RIN2: variants seen among roughly 807,000 people sequenced by gnomAD.
RIN2 encodes Ras and Rab interactor 2.
In RIN2, 36 loss-of-function variants were observed where a neutral mutation model predicts 78.0. That is an observed-to-expected ratio of 0.46 (90% CI 0.35 to 0.61). RIN2 has a LOEUF of 0.61. Among genes scored for constraint, RIN2 ranks in the 20% least tolerant of loss-of-function variants. RIN2 has a pLI of 0.00. For synonymous variants in RIN2, 466 were observed against 466.8 expected, an observed-to-expected ratio of 1.00 and a Z score of 0.02; for missense variants, 1,087 against 1,159.7, an observed-to-expected ratio of 0.94 and a Z score of 0.91.
chr20:19,920,988 G>GTTGTTTGT (rs34625955), intron 3 of RIN2, among the ~76,000 whole-genome samples: 3 of 151,492 alleles, frequency 2.0e-5, no homozygotes, highest in African/African-American at 7.3e-5. Context: ...AGTTTTTTGG[G>GTTGTTTGT]TTGTTTGTTT....
intron 2 of RIN2, among the ~76,000 whole-genome samples, chr20:19,884,982 C>T (rs2123459581): frequency 6.6e-6 from 1 of 152,206 alleles, no homozygotes; most frequent in East Asian, 1.9e-4. Context: ...ATAACGAGGT[C>T]TTGTTTACTG....
chr20:19,967,292 G>C (rs1379827773), intron 7 of RIN2, among the ~76,000 whole-genome samples: 2 of 152,178 alleles, frequency 1.3e-5, no homozygotes, highest in Admixed American at 1.3e-4. Flanking sequence ...TTGCAGGTAG[G>C]AAGGCCAAGA....
chr20:19,890,295 G>A lies in RIN2; in HGVS notation c.57+637G>A, dbSNP rs12481523. ...TGGGTGTTTTATGTACTCTGTGTGT[G>A]TGTATTTAATGAAGACTTGGTGGTC... On this transcript the variant is annotated intron_variant, in intron 3 of 12. Transcript: ENST00000255006. Among the ~76,000 whole-genome samples the A allele has an allele frequency of 3.0e-3, 458 of 152,228 alleles. 5 individuals are homozygous for A. Among genetic ancestry groups the A allele is most frequent in the South Asian group, 0.029 (141 of 4,816 alleles).
chr20:19,903,016 T>C (rs528361477), intron 3 of RIN2, among the ~76,000 whole-genome samples: 11 of 151,846 alleles, frequency 7.2e-5, no homozygotes, highest in African/African-American at 1.2e-4. Context: ...TGGCATGAAC[T>C]CAGGAGGCGG....
At chr20:19,921,206 G>A (rs764033973) in intron 3 of RIN2, among the ~76,000 whole-genome samples, 2 of 152,188 alleles carry the variant, frequency 1.3e-5, no homozygotes, top group African/African-American at 2.4e-5. Flanking sequence ...TTAATTGTTT[G>A]AAAGCAAACG....
At chr20:19,770,867 G>GC (rs1248928712) in intron 1 of RIN2, among the ~76,000 whole-genome samples, 841 of 56,308 alleles carry the variant, frequency 0.015, 1 homozygote, top group Non-Finnish European at 0.019. Context: ...TCACAAGACT[G>GC]CCCCCACCCC....
rs138173910 is a variant in RIN2 at position 19,899,344 on chromosome 20, C to T, written c.57+9686C>T. ...ATGTACATATATATGTCCAGTGGTCCGAGGTGAATTGGATGGAGAATAATT... is the reference window on the plus strand; with the variant it reads ...ATGTACATATATATGTCCAGTGGTCTGAGGTGAATTGGATGGAGAATAATT... On this transcript the variant is annotated intron_variant, in intron 3 of 12. Coordinates refer to ENST00000255006, the MANE Select transcript of RIN2 (RefSeq NM_018993.4). Among the ~76,000 whole-genome samples, 21 of 152,106 alleles carry T rather than the reference C, an allele frequency of 1.4e-4. 1 individual carries two copies. The South Asian group carries it at 3.5e-3, about 26-fold the overall frequency.
intron 2 of RIN2, among the ~76,000 whole-genome samples, chr20:19,828,557 A>G (rs2036162547): frequency 6.6e-6 from 1 of 152,178 alleles, no homozygotes; most frequent in South Asian, 2.1e-4. Context: ...TCCTGTCATC[A>G]CAGTAGCCCT....
intron 1 of RIN2, among the ~76,000 whole-genome samples, chr20:19,775,839 A>G (rs142781101): frequency 4.6e-5 from 7 of 152,232 alleles, no homozygotes; most frequent in Admixed American, 1.3e-4. Context: ...TTAGCTGAGT[A>G]TGGGACTCAG....
At chr20:19,813,328 A>G (rs2035661766) in intron 2 of RIN2, among the ~76,000 whole-genome samples, 1 of 152,254 alleles carries the variant, frequency 6.6e-6, no homozygotes, top group South Asian at 2.1e-4. Context: ...TTGCCATATC[A>G]TGACTTTAGG....
chr20:19,961,840 C>A (rs778921260), intron 6 of RIN2, among the ~76,000 whole-genome samples: 1 of 152,008 alleles, frequency 6.6e-6, no homozygotes, highest in African/African-American at 2.4e-5. Flanking sequence ...CACAAGCAGG[C>A]GGAACCCAGC....
rs181063003 is a variant in RIN2, at chr20:19,775,862, G to A, written c.-163+17535G>A. Among the ~76,000 whole-genome samples, 5 of 152,362 alleles carry A rather than the reference G, an allele frequency of 3.3e-5. No individual in the cohort carries two copies. In the East Asian group the frequency reaches 9.6e-4, roughly 29 times the overall value. On this transcript the variant is annotated intron_variant, in intron 1 of 12. Transcript: ENST00000255006. ...GTATGGGACTCAGCTGCAGTTAGGA[G>A]CCTCACCCTCCACAGGCTGTCAGAG...
chr20:19,949,051 G>T (rs566716298), intron 4 of RIN2, among the ~76,000 whole-genome samples: 2 of 147,756 alleles, frequency 1.4e-5, no homozygotes, highest in South Asian at 4.4e-4. Flanking sequence ...AGGCCAAGGC[G>T]GGGGATTGCC....
chr20:20,000,764 T>C lies in RIN2; in HGVS notation c.2516T>C (p.Phe839Ser). The change falls in exon 13 of 13, where the codon TTC (phenylalanine) becomes TCC (serine). Residue 839 changes from phenylalanine (F) to serine (S), a missense_variant. Physicochemically the swap from Phe to Ser is radical, Grantham distance 155. Coordinates refer to ENST00000255006, the MANE Select transcript of RIN2 (RefSeq NM_018993.4). ...CCTGAGGAGTACAGCCTCTTTCTCT[T>C]CGTTGACGAGACATGGCAGCAGCTG... ...GDPEEYSLFL[F>S]VDETWQQLAE... 6.2e-7 allele frequency: 1 copy of C among 1,613,962 alleles called. No individual in the cohort carries two copies. The highest frequency in any genetic ancestry group is 8.5e-7 in the Non-Finnish European group (1 of 1,179,900).
At chr20:20,000,316 A>C (rs2043104116) in intron 12 of RIN2, among the ~76,000 whole-genome samples, 1 of 152,112 alleles carries the variant, frequency 6.6e-6, no homozygotes. Context: ...TGTGGTTCAC[A>C]CTCTTAAGCA....
intron 2 of RIN2, among the ~76,000 whole-genome samples, chr20:19,874,074 G>A (rs753897638): frequency 2.0e-5 from 3 of 151,950 alleles, no homozygotes; most frequent in South Asian, 2.1e-4. Context: ...GTGTGTGTGT[G>A]TGTGTGTGTG....
chr20:19,991,418 G>A (rs1467122719), intron 10 of RIN2, among the ~76,000 whole-genome samples: 1 of 152,184 alleles, frequency 6.6e-6, no homozygotes, highest in East Asian at 1.9e-4. Flanking sequence ...AGACATTAAT[G>A]TAGACAGGAT....
At position 19,886,741 on chromosome 20, in the gene RIN2, G is replaced by C. The variant is rs188049434; in HGVS notation, c.-36-2825G>C. The C allele has an allele frequency of 1.6e-5, 24 of 1,545,992 alleles. 1 individual carries two copies. The highest frequency in any genetic ancestry group is 1.2e-4 in the African/African-American group (9 of 72,378). ...CCAGGAAAAGAACAAGCTTCCAACC[G>C]GTACAAGTCTGGAGGAATTTCACAG... is the stretch of plus-strand genomic sequence containing the variant. On this transcript the variant is annotated intron_variant, in intron 2 of 12. Transcript: ENST00000255006.
intron 1 of RIN2, among the ~76,000 whole-genome samples, chr20:19,786,617 A>G (rs1385896638): frequency 6.6e-6 from 1 of 152,208 alleles, no homozygotes; most frequent in Non-Finnish European, 1.5e-5. Flanking sequence ...TAATAAAATG[A>G]TTATTGTTTT....
Sources: gnomAD v4.1 joint callset for allele counts (sites outside exome capture counted in the v4.1 genomes callset) on GRCh38, gnomAD v4.1.1 for gene constraint, MANE v1.5 for transcripts, NCBI Gene and HGNC (gene_info 2026-07-23, HGNC 2026-07-21) for gene names.